Variants in LYST observed in about 807,000 individuals in gnomAD.
The protein encoded by LYST is lysosomal-trafficking regulator.
Under a neutral mutation model 413.6 loss-of-function variants are expected in LYST, and 192 were observed. That is an observed-to-expected ratio of 0.46 (90% CI 0.41 to 0.52). The LOEUF is 0.52. Ranked by LOEUF, LYST falls within the 20% of genes least tolerant of loss-of-function variation. The pLI is 0.00. For missense variants in LYST, 3,815 were observed against 4,499.9 expected, an observed-to-expected ratio of 0.85 and a Z score of 4.35; for synonymous variants, 1,525 against 1,567.3, an observed-to-expected ratio of 0.97 and a Z score of 0.64.
At chr1:235,798,991 G>A (rs1643845425) in intron 10 of LYST, among the ~76,000 whole-genome samples, 1 of 152,162 alleles carries the variant, frequency 6.6e-6, no homozygotes. Context: ...ATAGGTGAAT[G>A]TTATGGTATG....
At chr1:235,782,234 T>G in intron 14 of LYST, 147 bp from the exon 15 acceptor site, 1 of 681,950 alleles carries the variant, frequency 1.5e-6, no homozygotes, top group East Asian at 2.9e-5. Flanking sequence ...GTTGGCACGA[T>G]CTCAGCTCAC....
intron 21 of LYST, among the ~76,000 whole-genome samples, chr1:235,764,018 C>T (rs1400733537): frequency 6.6e-6 from 1 of 152,164 alleles, no homozygotes; most frequent in African/African-American, 2.4e-5. Flanking sequence ...AGAATTACCA[C>T]TATTTGTCCC....
intron 42 of LYST, chr1:235,712,604 A>G: frequency 1.0e-6 from 1 of 984,606 alleles, no homozygotes; most frequent in Non-Finnish European, 1.2e-6. Context: ...AAGTAGGCAA[A>G]CAGTTTTTTC....
intron 3 of LYST, among the ~76,000 whole-genome samples, chr1:235,817,891 C>G (rs761656800): frequency 1.3e-5 from 2 of 151,990 alleles, no homozygotes; most frequent in Non-Finnish European, 2.9e-5. Flanking sequence ...TTTGTTACCA[C>G]AAAAATGATC....
chr1:235,775,951 C>T (rs1669190388), intron 17 of LYST, among the ~76,000 whole-genome samples: 2 of 151,904 alleles, frequency 1.3e-5, no homozygotes, highest in African/African-American at 4.8e-5. Context: ...TAAAAACATA[C>T]TTTAAAAGTC....
chr1:235,764,047 T>C (rs1667859075), intron 21 of LYST, among the ~76,000 whole-genome samples: 1 of 152,182 alleles, frequency 6.6e-6, no homozygotes, highest in South Asian at 2.1e-4. Context: ...TCCCAAGCCT[T>C]GTTTCATAAA....
chr1:235,783,477 T>TCGG (rs1437966204), intron 14 of LYST, among the ~76,000 whole-genome samples: 1 of 152,072 alleles, frequency 6.6e-6, no homozygotes, highest in Non-Finnish European at 1.5e-5. Flanking sequence ...CCGGGGCCTG[T>TCGG]CGGCGGGTGT....
chr1:235,773,755 G>T, intron 19 of LYST, 87 bp downstream of exon 19: 2 of 1,076,792 alleles, frequency 1.9e-6, no homozygotes, highest in South Asian at 2.6e-5. Flanking sequence ...CCACTGAACT[G>T]AAACTTAAAA....
chr1:235,715,046 T>C (rs1201429125), intron 42 of LYST, among the ~76,000 whole-genome samples, 155 bp downstream of exon 42: 3 of 152,230 alleles, frequency 2.0e-5, no homozygotes, highest in African/African-American at 7.2e-5. Flanking sequence ...ACAGCTTTTT[T>C]GAGGAGCACT....
At chr1:235,876,276 C>G (rs1318655725) in intron 1 of LYST, among the ~76,000 whole-genome samples, 2 of 151,998 alleles carry the variant, frequency 1.3e-5, no homozygotes, top group African/African-American at 4.8e-5. Context: ...AAAGAACATC[C>G]CACATGGCCA....
At chr1:235,814,240 T>G (rs1458285846) in intron 3 of LYST, among the ~76,000 whole-genome samples, 2 of 151,914 alleles carry the variant, frequency 1.3e-5, no homozygotes, top group Non-Finnish European at 2.9e-5. Context: ...ACATATGGAG[T>G]CTGAGACGTC....
chr1:235,773,364 T>A (rs929472163), intron 19 of LYST, among the ~76,000 whole-genome samples: 3 of 151,852 alleles, frequency 2.0e-5, no homozygotes, highest in Non-Finnish European at 4.4e-5. Context: ...AACGAGTATA[T>A]GCTTCTATTC....
chr1:235,686,903 T>C lies in LYST; in HGVS notation c.10800+46A>G. On this transcript the variant is annotated intron_variant, in intron 48 of 52. Coordinates refer to ENST00000389793, the MANE Select transcript of LYST (RefSeq NM_000081.4). The surrounding 1 kb of genome is among the most constrained non-coding windows in gnomAD (Gnocchi z 4.0). ...ATACTTCATAAAGGCTTTCTTCCCC[T>C]CATTGACAAAGTCCCATACTACCCA... 7.4e-7 allele frequency: 1 copy of C among 1,352,026 alleles called. No homozygotes were observed. Among genetic ancestry groups the C allele is most frequent in the South Asian group, 1.2e-5 (1 of 85,736 alleles). 83.8% of individuals were successfully genotyped at this position (1,352,026 alleles called of 1,614,324 possible).
At chr1:235,779,773 C>T (rs1669660163) in intron 16 of LYST, among the ~76,000 whole-genome samples, 1 of 152,160 alleles carries the variant, frequency 6.6e-6, no homozygotes, top group Non-Finnish European at 1.5e-5. Context: ...AATCTACCCT[C>T]CCCGCAACTC....
intron 2 of LYST, among the ~76,000 whole-genome samples, chr1:235,832,085 T>C (rs1558314666): frequency 6.6e-6 from 1 of 152,216 alleles, no homozygotes. Context: ...CGTCATTCTA[T>C]AAATTTATAT....
At chr1:235,744,217 A>C (rs1459440172) in intron 29 of LYST, 60 bp from the exon 30 acceptor site, 2 of 877,114 alleles carry the variant, frequency 2.3e-6, no homozygotes, top group African/African-American at 1.7e-5. Flanking sequence ...GCCATTATAA[A>C]TAGTAATAAT....
chr1:235,816,336 G>C (rs1341608467), intron 3 of LYST, among the ~76,000 whole-genome samples: 1 of 147,300 alleles, frequency 6.8e-6, no homozygotes, highest in African/African-American at 2.5e-5. Context: ...AGCTACTCGG[G>C]AGCTGAGGCA....
In LYST at chr1:235,777,097, C is replaced by T. The variant is rs747169405; in HGVS notation, c.5426G>A (p.Gly1809Asp). Residue 1809 changes from glycine to aspartate, a missense_variant, in exon 17 of 53, where the codon GGT becomes GAT. Gly to Asp is a moderately conservative substitution (Grantham distance 94). Around this residue, in one of 4 missense-constraint regions of LYST, gnomAD observed 530 missense variants for 696.5 expected, o/e 0.76. Transcript: ENST00000389793. ...KTIQGILHEI[G>D]GTGIFVFLFA... ...GAGAAAAACAAATATGCCAGTTCCA[C>T]CAATTTCGTGCAGAATGCCTTGAAT... The T allele has an allele frequency of 1.2e-6, 2 of 1,613,582 alleles. No homozygotes were observed. The highest frequency in any genetic ancestry group is 8.5e-7 in the Non-Finnish European group (1 of 1,179,652).
intron 1 of LYST, among the ~76,000 whole-genome samples, chr1:235,855,082 G>T (rs928132537): frequency 1.3e-5 from 2 of 152,056 alleles, no homozygotes; most frequent in African/African-American, 4.8e-5. Context: ...TTATCATGTT[G>T]CTATGGAAAT....
Sources: gnomAD v4.1 joint callset for allele counts (sites outside exome capture counted in the v4.1 genomes callset) on GRCh38, gnomAD v4.1.1 for gene constraint, gnomAD v4.1.1 regional missense constraint, Gnocchi (gnomAD v3.1) non-coding constraint, MANE v1.5 for transcripts, NCBI Gene and HGNC (gene_info 2026-07-23, HGNC 2026-07-21) for gene names.